SLC16A5: variants seen among roughly 807,000 people sequenced by gnomAD.
SLC16A5 encodes monocarboxylate transporter 6.
Under a neutral mutation model 33.2 loss-of-function variants are expected in SLC16A5, and 29 were observed. That is an observed-to-expected ratio of 0.87 (90% CI 0.65 to 1.19). The LOEUF is 1.19. Among genes scored for constraint, SLC16A5 ranks in the 50% most tolerant of loss-of-function variants. The probability of loss-of-function intolerance (pLI) is 0.00; values close to 1 mark genes in which losing one functional copy is unlikely to be tolerated. For missense variants in SLC16A5, 606 were observed against 678.2 expected (o/e 0.89, Z 1.18); for synonymous variants, 248 against 284.1 (o/e 0.87, Z 1.28).
intron 2 of SLC16A5, among the ~76,000 whole-genome samples, chr17:75,092,919 G>A (rs2073661521): frequency 6.6e-6 from 1 of 151,944 alleles, no homozygotes; most frequent in African/African-American, 2.4e-5. Context: ...TTTGAAAGGA[G>A]TGTTGCAGGG....
At chr17:75,110,013 C>G (rs2073895356), downstream of SLC16A5, 2 of 388,816 alleles carry the variant, frequency 5.1e-6, no homozygotes, top group African/African-American at 4.2e-5. Flanking sequence ...GTGCCCCCTC[C>G]GCGAGCCCCA....
rs775544421 is a variant in SLC16A5, at chr17:75,100,535, C to T, written c.872C>T (p.Ala291Val). The change falls in exon 5 of 7, where the codon GCC becomes GTC. Residue 291 changes from alanine (A) to valine (V), a missense_variant. Transcript: ENST00000329783. ...AGCAACATCTTCCTGAGGCCCCTAG[C>T]CGGGCTGATGGCAGGACGGCCGGCC... ...GFSNIFLRPL[A>V]GLMAGRPAFA... 10 of 1,614,118 alleles carry T rather than the reference C, an allele frequency of 6.2e-6. No individual in the cohort carries two copies. In the South Asian group the frequency reaches 1.1e-4, roughly 18 times the overall value.
chr17:75,105,593 C>A (rs1277689304), intron 6 of SLC16A5: 1 of 985,256 alleles, frequency 1.0e-6, no homozygotes, highest in African/African-American at 1.7e-5. Context: ...TCCCTGAAGT[C>A]ACCACCCAGG....
chr17:75,093,864 AAAGTCCTAGGGGTTGCGGGG>A, intron 3 of SLC16A5, 29 bp downstream of exon 3: 4 of 1,606,124 alleles, frequency 2.5e-6, no homozygotes, highest in Non-Finnish European at 3.4e-6. Flanking sequence ...GGCCGATGAG[AAAGTCCTAGGGGTTGCGGGG>A]AAGCCACAAC....
intron 2 of SLC16A5, among the ~76,000 whole-genome samples, chr17:75,091,822 C>T (rs1057142767): frequency 5.9e-5 from 9 of 152,156 alleles, no homozygotes; most frequent in Admixed American, 3.9e-4. Context: ...CCTAGAGCCC[C>T]CAGGCGGTGA....
At chr17:75,104,413 CTCTT>C (rs2073838068) in intron 6 of SLC16A5, 1 of 1,015,292 alleles carries the variant, frequency 9.8e-7, no homozygotes, top group Non-Finnish European at 1.3e-6. Context: ...CCCTGAGAAA[CTCTT>C]TTTTTTTTTT....
At chr17:75,095,276 T>G (rs2073702070) in intron 3 of SLC16A5, among the ~76,000 whole-genome samples, 1 of 152,114 alleles carries the variant, frequency 6.6e-6, no homozygotes, top group East Asian at 1.9e-4. Flanking sequence ...GAGGGCTGCT[T>G]CTCACACAGG....
chr17:75,098,927 G>A (rs910463409), intron 4 of SLC16A5, among the ~76,000 whole-genome samples: 2 of 152,092 alleles, frequency 1.3e-5, no homozygotes, highest in South Asian at 4.1e-4. Context: ...GTGTTGGGGG[G>A]CACAGAGGAA....
intron 5 of SLC16A5, among the ~76,000 whole-genome samples, chr17:75,103,634 G>T (rs1342413136): frequency 6.6e-6 from 1 of 152,068 alleles, no homozygotes; most frequent in Non-Finnish European, 1.5e-5. Flanking sequence ...GGCCCCAAGG[G>T]AATTCTTTAA....
chr17:75,100,086 C>T lies in SLC16A5; in HGVS notation c.423C>T (p.Asn141=), dbSNP rs576642209. ...FYFVRRRVLA[N]ALASMGVSLG... is the part of the protein sequence containing the mutation. Reference sequence around the variant, plus strand: ...TTGTCCGCCGGCGGGTGCTGGCCAACGCGCTGGCCTCGATGGGCGTCTCCC... The same window carrying T: ...TTGTCCGCCGGCGGGTGCTGGCCAATGCGCTGGCCTCGATGGGCGTCTCCC... Residue 141 remains asparagine (N), a synonymous_variant, in exon 5 of 7, where the codon AAC becomes AAT. Transcript: ENST00000329783. The T allele has an allele frequency of 1.5e-5, 25 of 1,613,922 alleles. No homozygotes were observed. The highest frequency in any genetic ancestry group is 8.0e-5 in the African/African-American group (6 of 75,068).
At position 75,092,028 on chromosome 17, in the gene SLC16A5, G is replaced by GT. The variant is rs1555644931; in HGVS notation, c.-48-1561_-48-1560insT. On this transcript the variant is annotated intron_variant, in intron 2 of 6. Transcript: ENST00000329783. ...CTTGCTAAGCCAAAGATGTGAGGGG[G>GT]GTGTGTGTGTGTGTGTGTGTGTGCA... 5.0e-3 allele frequency among the ~76,000 whole-genome samples: 751 copies of GT among 149,698 alleles called. 4 individuals carry two copies. The highest frequency in any genetic ancestry group is 8.1e-3 in the Admixed American group (122 of 15,050).
intron 6 of SLC16A5, chr17:75,104,415 CTTTT>C (rs577017676): frequency 2.4e-3 from 2,412 of 992,116 alleles, no homozygotes; most frequent in South Asian, 6.2e-3. Flanking sequence ...CTGAGAAACT[CTTTT>C]TTTTTTTTTT....
At chr17:75,108,089 A>G (rs187235931), downstream of SLC16A5, among the ~76,000 whole-genome samples, 165 of 152,306 alleles carry the variant, frequency 1.1e-3, 1 homozygote, top group African/African-American at 3.8e-3. Flanking sequence ...CGACAGAGCG[A>G]GACTCCATCT....
chr17:75,105,796 C>T (rs2073855364), intron 6 of SLC16A5, 84 bp from the exon 7 acceptor site: 3 of 1,448,574 alleles, frequency 2.1e-6, no homozygotes, highest in South Asian at 1.5e-5. Context: ...AAGGGGTGCT[C>T]AGGTTCAGGA....
At chr17:75,091,318 C>G (rs547351243) in intron 2 of SLC16A5, among the ~76,000 whole-genome samples, 1 of 152,172 alleles carries the variant, frequency 6.6e-6, no homozygotes, top group Non-Finnish European at 1.5e-5. Context: ...GAACAGAAAT[C>G]TTGGGAGAGG....
chr17:75,091,661 A>G (rs1026482242), intron 2 of SLC16A5, among the ~76,000 whole-genome samples: 4 of 152,176 alleles, frequency 2.6e-5, no homozygotes, highest in East Asian at 3.9e-4. Flanking sequence ...CTTGGCAGGA[A>G]GAGGGGGTTT....
At chr17:75,105,585 C>T (rs1319163402) in intron 6 of SLC16A5, 10 of 985,266 alleles carry the variant, frequency 1.0e-5, no homozygotes, top group Non-Finnish European at 1.2e-5. Flanking sequence ...GGTGCCTTTC[C>T]CTGAAGTCAC....
chr17:75,098,759 GA>G, intron 4 of SLC16A5, among the ~76,000 whole-genome samples: 1 of 152,060 alleles, frequency 6.6e-6, no homozygotes, highest in East Asian at 1.9e-4. Flanking sequence ...GGAAAGAAGA[GA>G]AAAAGGATGA....
intron 2 of SLC16A5, chr17:75,093,278 G>A (rs2073666724): frequency 1.3e-6 from 1 of 773,866 alleles, no homozygotes; most frequent in Non-Finnish European, 2.1e-6. Flanking sequence ...TCTAAGTGAT[G>A]TAACAATTAG....
Sources: gnomAD v4.1 joint callset for allele counts (sites outside exome capture counted in the v4.1 genomes callset) on GRCh38, gnomAD v4.1.1 for gene constraint, MANE v1.5 for transcripts, NCBI Gene and HGNC (gene_info 2026-07-23, HGNC 2026-07-21) for gene names.